Variants in HNF4A observed in about 807,000 individuals in gnomAD.
HNF4A encodes the protein hepatocyte nuclear factor 4-alpha.
A neutral mutation model predicts 52.4 loss-of-function variants in HNF4A; 15 were observed. The ratio of observed to expected loss-of-function variants is 0.29; its 90% confidence interval spans 0.19 to 0.44. The LOEUF is 0.44. Ranked by LOEUF, HNF4A falls within the 20% of genes least tolerant of loss-of-function variation. The probability of loss-of-function intolerance (pLI) is 1.00; values close to 1 mark genes in which losing one functional copy is unlikely to be tolerated. For missense variants in HNF4A, 479 were observed against 647.2 expected (o/e 0.74, Z 2.82); for synonymous variants, 280 against 264.4 (o/e 1.06, Z -0.57).
rs1063240 is a variant in HNF4A at position 44,401,355 on chromosome 20, G to A, written c.-18G>A. On this transcript the variant is annotated 5_prime_UTR_variant, in exon 1 of 10. Transcript: ENST00000316099. ...CGCCCAGGGTAGGGCAGGTGGCCGC[G>A]GCGTGGAGGCAGGGAGAATGCGACT... The A allele has an allele frequency of 2.1e-5, 34 of 1,613,828 alleles. No homozygotes were observed. Among genetic ancestry groups the A allele is most frequent in the African/African-American group, 1.9e-4 (14 of 74,920 alleles).
rs149749050 is a variant in HNF4A at position 44,383,224 on chromosome 20, A to G, written c.50-22834A>G. 6.0e-4 allele frequency among the ~76,000 whole-genome samples: 91 copies of G among 152,304 alleles called. 1 individual carries two copies. The highest frequency in any genetic ancestry group is 2.1e-3 in the African/African-American group (87 of 41,568). On this transcript the variant is annotated intron_variant, in intron 1 of 9. Coordinates refer to the HNF4A transcript ENST00000316673. ...TGGATCTGGATCCTGCCATCATTTTATAGGTAATGCCTCCATAGCACTCAC... is the reference window on the plus strand; with the variant it reads ...TGGATCTGGATCCTGCCATCATTTTGTAGGTAATGCCTCCATAGCACTCAC...
At chr20:44,358,803 A>G (rs1331434719) in intron 1 of HNF4A, among the ~76,000 whole-genome samples, 1 of 152,112 alleles carries the variant, frequency 6.6e-6, no homozygotes, top group Non-Finnish European at 1.5e-5. Context: ...GATCAAATGG[A>G]AGGATCCATG....
chr20:44,358,867 G>T (rs1019080165), intron 1 of HNF4A, among the ~76,000 whole-genome samples: 1 of 152,082 alleles, frequency 6.6e-6, no homozygotes, highest in Non-Finnish European at 1.5e-5. Context: ...TCCTCGTTGT[G>T]GTTTCATGTT....
intron 1 of HNF4A, among the ~76,000 whole-genome samples, chr20:44,392,307 G>A (rs1012427049): frequency 4.6e-5 from 7 of 152,086 alleles, no homozygotes; most frequent in African/African-American, 1.2e-4. Context: ...ACTGAGCCTC[G>A]CTGAGGTTTT....
chr20:44,406,093 C>A lies in HNF4A; in HGVS notation c.151C>A (p.Pro51Thr). The change falls in exon 2 of 10, where the codon CCC (proline) becomes ACC (threonine). Residue 51 changes from proline (P) to threonine (T), a missense_variant. Coordinates refer to ENST00000316099, the MANE Select transcript of HNF4A (RefSeq NM_000457.6). Reference sequence around the variant, plus strand: ...ATCAGAAGGCACCAACCTCAACGCGCCCAACAGCCTGGGTGTCAGCGCCCT... The same window carrying A: ...ATCAGAAGGCACCAACCTCAACGCGACCAACAGCCTGGGTGTCAGCGCCCT... The A allele has an allele frequency of 3.1e-6, 5 of 1,613,160 alleles. No homozygotes were observed. Among genetic ancestry groups the A allele is most frequent in the Non-Finnish European group, 4.2e-6 (5 of 1,180,028 alleles).
intron 8 of HNF4A, among the ~76,000 whole-genome samples, chr20:44,424,857 A>G (rs1035307592): frequency 7.2e-5 from 11 of 152,206 alleles, no homozygotes; most frequent in African/African-American, 2.7e-4. Flanking sequence ...GAGATGGAGG[A>G]CGTGTAGGAG....
intron 1 of HNF4A, among the ~76,000 whole-genome samples, chr20:44,381,279 CTTTT>C (rs11477724): frequency 1.4e-4 from 15 of 110,112 alleles, no homozygotes; most frequent in African/African-American, 4.3e-4. Flanking sequence ...TCAGTGAGAG[CTTTT>C]TTTTTTTTTT....
intron 7 of HNF4A, among the ~76,000 whole-genome samples, chr20:44,420,298 T>C (rs1161192231): frequency 6.6e-6 from 1 of 151,850 alleles, no homozygotes; most frequent in Non-Finnish European, 1.5e-5. Context: ...CGCCACTGCA[T>C]TCCAGCCTGG....
intron 1 of HNF4A, among the ~76,000 whole-genome samples, chr20:44,361,453 G>A (rs1375820660): frequency 6.6e-6 from 1 of 152,112 alleles, no homozygotes; most frequent in Non-Finnish European, 1.5e-5. Context: ...TCTTCCACTG[G>A]AGGCTTATGG....
At chr20:44,390,816 T>A in intron 1 of HNF4A, 2 of 613,420 alleles carry the variant, frequency 3.3e-6, no homozygotes, top group East Asian at 5.5e-5. Flanking sequence ...GGAACGTCCA[T>A]GGCCCTGATG....
At chr20:44,364,450 A>G (rs1170519837) in intron 1 of HNF4A, among the ~76,000 whole-genome samples, 2 of 151,844 alleles carry the variant, frequency 1.3e-5, no homozygotes, top group African/African-American at 4.8e-5. Flanking sequence ...ATCTTAACCC[A>G]GGAATAGGTC....
intron 5 of HNF4A, 150 bp from the exon 6 acceptor site, chr20:44,418,275 A>G (rs2063693744): frequency 2.7e-6 from 2 of 752,008 alleles, no homozygotes; most frequent in Non-Finnish European, 2.4e-6. Flanking sequence ...TTCTAGTTTT[A>G]TGGGTAGTAG....
intron 1 of HNF4A, among the ~76,000 whole-genome samples, chr20:44,359,398 C>A (rs556752935): frequency 6.6e-6 from 1 of 152,282 alleles, no homozygotes; most frequent in South Asian, 2.1e-4. Flanking sequence ...GCCCTTGTTT[C>A]TTTTATCCAA....
downstream of HNF4A, chr20:44,434,557 T>A (rs1382479241): frequency 6.7e-6 from 1 of 148,368 alleles, no homozygotes; most frequent in African/African-American, 2.5e-5. Flanking sequence ...ACTATTTCAG[T>A]CCTAAATTGT....
At chr20:44,411,637 C>T (rs2063585473) in intron 3 of HNF4A, among the ~76,000 whole-genome samples, 1 of 152,180 alleles carries the variant, frequency 6.6e-6, no homozygotes, top group African/African-American at 2.4e-5. Context: ...TCTGTTCTAT[C>T]CACTGACTCC....
At chr20:44,385,057 A>ATTTTTTTTTTTTTTTTTTTTTTT (rs1491454694) in intron 1 of HNF4A, among the ~76,000 whole-genome samples, 3 of 29,922 alleles carry the variant, frequency 1.0e-4, no homozygotes, top group Admixed American at 5.5e-4. Context: ...GAACTCTGTG[A>ATTTTTTTTTTTTTTTTTTTTTTT]TCTTTTTTTT....
chr20:44,398,350 G>T (rs2063372340), upstream of HNF4A, among the ~76,000 whole-genome samples: 1 of 152,200 alleles, frequency 6.6e-6, no homozygotes, highest in South Asian at 2.1e-4. Context: ...CAGTTACTTT[G>T]CATCTGTAAT....
intron 1 of HNF4A, among the ~76,000 whole-genome samples, chr20:44,403,998 A>G (rs2063447303): frequency 6.6e-6 from 1 of 152,160 alleles, no homozygotes; most frequent in Admixed American, 6.5e-5. Context: ...TGGCTTAACA[A>G]TTATCCCCAT....
intron 3 of HNF4A, among the ~76,000 whole-genome samples, chr20:44,411,356 AT>A (rs2063578562): frequency 6.6e-6 from 1 of 152,190 alleles, no homozygotes; most frequent in Non-Finnish European, 1.5e-5. Flanking sequence ...CTGAGCAAAC[AT>A]TTGGAAAACA....
Sources: gnomAD v4.1 joint callset for allele counts (sites outside exome capture counted in the v4.1 genomes callset) on GRCh38, gnomAD v4.1.1 for gene constraint, MANE v1.5 for transcripts, NCBI Gene and HGNC (gene_info 2026-07-23, HGNC 2026-07-21) for gene names.